LAMC1: variants seen among roughly 807,000 people sequenced by gnomAD.
LAMC1 encodes laminin subunit gamma 1.
Under a neutral mutation model 173.6 loss-of-function variants are expected in LAMC1, and 38 were observed. The ratio of observed to expected loss-of-function variants is 0.22; its 90% CI spans 0.17 to 0.29. LAMC1 has a LOEUF of 0.29. LAMC1 is among the 10% of genes least tolerant of loss of function. The probability of loss-of-function intolerance (pLI) is 1.00; values close to 1 mark genes in which losing one functional copy is unlikely to be tolerated. For synonymous variants in LAMC1, 746 were observed against 749.1 expected (o/e 1.00, Z 0.07); for missense variants, 1,824 against 2,051.8 (o/e 0.89, Z 2.14).
intron 1 of LAMC1, among the ~76,000 whole-genome samples, chr1:183,090,924 T>TAA: frequency 6.6e-6 from 1 of 152,184 alleles, no homozygotes; most frequent in East Asian, 1.9e-4. Context: ...GTGAGCTGTA[T>TAA]AAGAGCTAAA....
intron 1 of LAMC1, among the ~76,000 whole-genome samples, chr1:183,052,575 T>C (rs932011111): frequency 2.0e-5 from 3 of 152,190 alleles, no homozygotes; most frequent in African/African-American, 7.2e-5. Context: ...CCTCAGGTAA[T>C]CCGCCTGCCT....
intron 1 of LAMC1, among the ~76,000 whole-genome samples, chr1:183,046,138 C>T (rs931820389): frequency 6.6e-6 from 1 of 151,822 alleles, no homozygotes; most frequent in African/African-American, 2.4e-5. Context: ...TTCTGTTAGC[C>T]CTTTTGAGTC....
At position 183,077,776 on chromosome 1, in the gene LAMC1, G is replaced by GTGTGTGTGTGTGTGTATATA; in HGVS notation, c.419-25551_419-25550insGTGTGTGTGTGTGTATATAT. Among the ~76,000 whole-genome samples the GTGTGTGTGTGTGTGTATATA allele has an allele frequency of 2.6e-5, 3 of 116,560 alleles. No homozygotes were observed. The Admixed American group carries it at 2.6e-4, about 10-fold the overall frequency. The allele number at this position is 116,560 out of a possible 152,430, so 76.5% of individuals were successfully genotyped here. A position where few individuals can be genotyped will look rare whatever the true frequency, so the allele number is the denominator to read the frequency against. ...TGAATAGTATTTTTATGGCCATTGT[G>GTGTGTGTGTGTGTGTATATA]TATATATATATATATATATACAGTA... On this transcript the variant is annotated intron_variant, in intron 1 of 27. Transcript: ENST00000258341.
In LAMC1 at chr1:183,142,576, A is replaced by G. The variant is rs1657145106; in HGVS notation, c.4616A>G (p.Glu1539Gly). Reference protein sequence around the residue: ...TVDLNKLNEIEGTLNKAKDEM... With the variant: ...TVDLNKLNEIGGTLNKAKDEM... ...GACCTGAATAAGCTAAACGAGATTG[A>G]AGGCACCCTAAACAAAGCCAAAGAT... Residue 1539 changes from glutamate (E) to glycine (G), a missense_variant, in exon 28 of 28, where the codon GAA (glutamate) becomes GGA (glycine). By Grantham distance (98) the Glu-to-Gly change is moderately conservative. Coordinates refer to ENST00000258341, the MANE Select transcript of LAMC1 (RefSeq NM_002293.4). 3.7e-6 allele frequency: 6 copies of G among 1,613,970 alleles called. No homozygotes were observed. The highest frequency in any genetic ancestry group is 2.2e-5 in the East Asian group (1 of 44,880).
intron 1 of LAMC1, among the ~76,000 whole-genome samples, chr1:183,088,894 G>T (rs1220946646): frequency 6.6e-6 from 1 of 152,184 alleles, no homozygotes; most frequent in African/African-American, 2.4e-5. Flanking sequence ...TTAGAGAACT[G>T]TAGGATATAG....
chr1:183,069,528 G>A (rs1654956590), intron 1 of LAMC1, among the ~76,000 whole-genome samples: 1 of 152,212 alleles, frequency 6.6e-6, no homozygotes, highest in South Asian at 2.1e-4. Context: ...GTTTCAGTGG[G>A]ATTTGTTGTG....
At chr1:183,095,317 T>A (rs1352732759) in intron 1 of LAMC1, among the ~76,000 whole-genome samples, 1 of 152,122 alleles carries the variant, frequency 6.6e-6, no homozygotes, top group Admixed American at 6.5e-5. Context: ...ATCTTGTTTT[T>A]CTAATTAGAT....
At chr1:183,051,098 C>G (rs1015248065) in intron 1 of LAMC1, among the ~76,000 whole-genome samples, 1 of 152,162 alleles carries the variant, frequency 6.6e-6, no homozygotes, top group African/African-American at 2.4e-5. Context: ...TCACAGCTGT[C>G]TAGGATGCAA....
intron 1 of LAMC1, among the ~76,000 whole-genome samples, chr1:183,060,144 C>CGAAA: frequency 6.6e-6 from 1 of 152,180 alleles, no homozygotes; most frequent in Non-Finnish European, 1.5e-5. Context: ...AGAAATCACC[C>CGAAA]TTGGCCCCTC....
rs777741748 is a variant in LAMC1, at chr1:183,128,691, G to C, written c.3221G>C (p.Arg1074Thr). 5.6e-6 allele frequency: 9 copies of C among 1,613,632 alleles called. No homozygotes were observed. The highest frequency in any genetic ancestry group is 7.6e-6 in the Non-Finnish European group (9 of 1,179,748). The change falls in exon 18 of 28, where the codon AGA becomes ACA. Residue 1074 changes from arginine to threonine, a missense_variant. Arg to Thr is a moderately conservative substitution (Grantham distance 71). Coordinates refer to ENST00000258341, the MANE Select transcript of LAMC1 (RefSeq NM_002293.4). ...EMVTDQAFEDRLKEAEREVMD... is the reference protein window; with the variant it reads ...EMVTDQAFEDTLKEAEREVMD... ...GTGACAGATCAAGCCTTCGAGGATA[G>C]ACTAAAGGAAGCAGAGAGGGAAGTT...
rs1656647279 is a variant in LAMC1 at position 183,127,322 on chromosome 1, A to G, written c.3041A>G (p.Gln1014Arg). The change falls in exon 17 of 28, where the codon CAG becomes CGG. Residue 1014 changes from glutamine (Q) to arginine (R), a missense_variant. By Grantham distance (43) the Gln-to-Arg change is conservative. Coordinates refer to ENST00000258341, the MANE Select transcript of LAMC1 (RefSeq NM_002293.4). ...GGCTTTGTGGGAAATCGCTGTGACCAGTGTGAAGAAAACTATTTCTACAAT... is the reference window on the plus strand; with the variant it reads ...GGCTTTGTGGGAAATCGCTGTGACCGGTGTGAAGAAAACTATTTCTACAAT... ...REGFVGNRCD[Q>R]CEENYFYNRS... 1.9e-6 allele frequency: 3 copies of G among 1,614,174 alleles called. No individual in the cohort carries two copies. Among genetic ancestry groups the G allele is most frequent in the Non-Finnish European group, 2.5e-6 (3 of 1,180,006 alleles).
intron 1 of LAMC1, among the ~76,000 whole-genome samples, chr1:183,040,081 T>C (rs1057472217): frequency 1.4e-4 from 22 of 152,212 alleles, no homozygotes; most frequent in African/African-American, 5.1e-4. Flanking sequence ...TTCACATCTC[T>C]AGTGGTTTTC....
chr1:183,129,987 A>G (rs1656736836), intron 18 of LAMC1, among the ~76,000 whole-genome samples: 1 of 152,196 alleles, frequency 6.6e-6, no homozygotes, highest in East Asian at 1.9e-4. Flanking sequence ...AACATTGTAG[A>G]TTTATGACTA....
chr1:183,138,164 TTTC>T (rs1433693395), intron 26 of LAMC1: 2 of 900,304 alleles, frequency 2.2e-6, no homozygotes, highest in Non-Finnish European at 2.7e-6. Context: ...TGAAGTTAAT[TTTC>T]TTCTTATTCT....
chr1:183,134,989 A>G, intron 23 of LAMC1, 53 bp from the exon 24 acceptor site: 1 of 1,478,216 alleles, frequency 6.8e-7, no homozygotes, highest in African/African-American at 1.4e-5. Context: ...TGTCCAGGAG[A>G]CAGAAGGGAT....
At chr1:183,099,546 A>G (rs1013237379) in intron 1 of LAMC1, among the ~76,000 whole-genome samples, 4 of 151,900 alleles carry the variant, frequency 2.6e-5, no homozygotes, top group African/African-American at 4.8e-5. Flanking sequence ...CCTCAAAACC[A>G]TCTTTCCTTG....
chr1:183,051,947 A>G (rs184935439), intron 1 of LAMC1, among the ~76,000 whole-genome samples: 2 of 152,350 alleles, frequency 1.3e-5, no homozygotes, highest in East Asian at 3.9e-4. Flanking sequence ...CAGGAGAGCC[A>G]TAAATGTAAC....
intron 1 of LAMC1, among the ~76,000 whole-genome samples, chr1:183,064,384 A>G (rs755718816): frequency 2.6e-5 from 4 of 152,176 alleles, no homozygotes; most frequent in African/African-American, 7.2e-5. Flanking sequence ...ACTGTATTGA[A>G]TACTGGAGGC....
chr1:183,024,105 C>G lies in LAMC1; in HGVS notation c.389C>G (p.Pro130Arg). The change falls in exon 1 of 28, where the codon CCC (proline) becomes CGC (arginine). Residue 130 changes from proline (P) to arginine (R), a missense_variant. Physicochemically the swap from Pro to Arg is moderately radical, Grantham distance 103. Coordinates refer to ENST00000258341, the MANE Select transcript of LAMC1 (RefSeq NM_002293.4). ...SQTMLAGVQYPSSINLTLHLG... is the reference protein window; with the variant it reads ...SQTMLAGVQYRSSINLTLHLG... Reference sequence around the variant, plus strand: ...ACCATGCTGGCCGGGGTGCAGTACCCCAGCTCCATCAACCTCACGCTGCAC... The same window carrying G: ...ACCATGCTGGCCGGGGTGCAGTACCGCAGCTCCATCAACCTCACGCTGCAC... The G allele has an allele frequency of 6.2e-7, 1 of 1,602,096 alleles. No homozygotes were observed. Among genetic ancestry groups the G allele is most frequent in the Non-Finnish European group, 8.5e-7 (1 of 1,174,868 alleles).
Sources: gnomAD v4.1 joint callset for allele counts (sites outside exome capture counted in the v4.1 genomes callset) on GRCh38, gnomAD v4.1.1 for gene constraint, MANE v1.5 for transcripts, NCBI Gene and HGNC (gene_info 2026-07-23, HGNC 2026-07-21) for gene names.